ASMTL: variants seen among roughly 807,000 people sequenced by gnomAD.
ASMTL encodes the protein acetylserotonin O-methyltransferase like, also known as probable bifunctional dTTP/UTP pyrophosphatase/methyltransferase protein.
ASMTL carries 57 observed loss-of-function variants against 60.3 expected under a neutral mutation model. The ratio of observed to expected loss-of-function variants is 0.95; its 90% CI spans 0.76 to 1.18. The LOEUF (loss-of-function observed/expected upper bound fraction) is 1.18. Ranked by LOEUF, ASMTL falls within the 50% of genes most tolerant of loss-of-function variation. ASMTL has a pLI of 0.00. For missense variants in ASMTL, 981 were observed against 852.6 expected (o/e 1.15, Z -1.88); for synonymous variants, 419 against 373.0 (o/e 1.12, Z -1.42).
chrX:1,412,988 C>T (rs1308530786), intron 11 of ASMTL, 134 bp from the exon 12 acceptor site: 4 of 946,888 alleles, frequency 4.2e-6, no homozygotes, highest in African/African-American at 3.2e-5. Flanking sequence ...AATGGGTCTT[C>T]CTGAAGTACA....
chrX:1,441,721 A>T (rs1451421464), intron 2 of ASMTL: 1 of 156,056 alleles, frequency 6.4e-6, no homozygotes, highest in Non-Finnish European at 1.4e-5. Flanking sequence ...ATACTGTGAT[A>T]TCAATTGTGA....
chrX:1,446,572 T>A (rs113710187), intron 1 of ASMTL, among the ~76,000 whole-genome samples: 1,832 of 151,352 alleles, frequency 0.012, 33 homozygotes, highest in African/African-American at 0.042. Flanking sequence ...CCATCTCGGT[T>A]CACTGCAACC....
At chrX:1,404,867 C>A (rs2089749886) in intron 12 of ASMTL, among the ~76,000 whole-genome samples, 1 of 148,774 alleles carries the variant, frequency 6.7e-6, no homozygotes, top group Non-Finnish European at 1.5e-5. Flanking sequence ...TAGTTGGATG[C>A]ATGGATGAGA....
intron 11 of ASMTL, among the ~76,000 whole-genome samples, chrX:1,414,901 G>A (rs1404141908): frequency 6.6e-6 from 1 of 151,876 alleles, no homozygotes; most frequent in Non-Finnish European, 1.5e-5. Flanking sequence ...GGCCGCTGTC[G>A]GATGGTGCTG....
rs374227390 is a variant in ASMTL, at chrX:1,403,343, C to T, written c.1792G>A (p.Gly598Ser). 21 of 1,613,282 alleles carry T rather than the reference C, an allele frequency of 1.3e-5. No individual in the cohort carries two copies. Among genetic ancestry groups the T allele is most frequent in the Non-Finnish European group, 1.6e-5 (19 of 1,179,870 alleles). The change falls in exon 13 of 13, where the codon GGC (glycine) becomes AGC (serine). Residue 598 changes from glycine (G) to serine (S), a missense_variant. Gly to Ser is a moderately conservative substitution (Grantham distance 56). Transcript: ENST00000381317. ...TGCACCACCTGCACCTGGTGGAAGC[C>T]GTGCAGCTCCAGCAAGCACTGATAC... The part of the protein sequence containing the change: ...GEYQCLLELH[G>S]FHQVQVVHLG...
intron 9 of ASMTL, 63 bp from the exon 10 acceptor site, chrX:1,419,177 C>T (rs2090404882): frequency 8.8e-6 from 14 of 1,582,786 alleles, no homozygotes; most frequent in Admixed American, 3.6e-5. Flanking sequence ...CCCAGCCTCT[C>T]CCTGGGGGTC....
At position 1,412,833 on chromosome X, in the gene ASMTL, AG is replaced by A. The variant is rs755143738; in HGVS notation, c.1543del (p.Leu515SerfsTer56). ...FAAGDFFRDP[L>X]PSAELYVLCR... is the part of the protein sequence containing the mutation. ...CAGGACGTACAGCTCAGCGCTGGGG[AG>A]GGGGTCCCTGAAAAAGTCACCTGGT... On this transcript the variant is annotated frameshift_variant, in exon 12 of 13. Transcript: ENST00000381317. LOFTEE classifies it high-confidence loss of function. 2 of 1,613,792 alleles carry A rather than the reference AG, an allele frequency of 1.2e-6. No individual in the cohort carries two copies. The highest frequency in any genetic ancestry group is 1.1e-5 in the South Asian group (1 of 91,064).
chrX:1,413,489 C>A (rs1192433632), intron 11 of ASMTL, among the ~76,000 whole-genome samples: 1 of 152,190 alleles, frequency 6.6e-6, no homozygotes, highest in East Asian at 1.9e-4. Flanking sequence ...TCTGGTGATC[C>A]CCTGATTCAG....
chrX:1,415,053 G>C lies in ASMTL; in HGVS notation c.1523-2199C>G, dbSNP rs7472831. ...CCTCCCGGGTTCAAGCGATTCTCCT[G>C]CCTCAGCCTCCTGAATAGGTGGGAT... On this transcript the variant is annotated intron_variant, in intron 11 of 12. Transcript: ENST00000381317. 0.5 allele frequency among the ~76,000 whole-genome samples: 52,927 copies of C among 104,876 alleles called. 9,546 individuals carry two copies. The highest frequency in any genetic ancestry group is 0.57 in the East Asian group (1,879 of 3,278). 68.8% of individuals were successfully genotyped at this position (104,876 alleles called of 152,430 possible).
Position 1,403,270 on chromosome X carries a change from CAG to C in ASMTL, c.1863_1864del (p.Ter622LysfsTer26). On this transcript the variant is annotated frameshift_variant and stop_lost, in exon 13 of 13. Coordinates refer to ENST00000381317, the MANE Select transcript of ASMTL (RefSeq NM_004192.4). LOFTEE classifies it high-confidence loss of function. The stretch of plus-strand genomic sequence containing the variant: ...TATAATGAACATGCTGCCTGGGCTT[CAG>C]GGGGCCACTTTGGTGGCCAAGATGG... 6.2e-7 allele frequency: 1 copy of C among 1,612,420 alleles called. No individual in the cohort carries two copies.
intron 3 of ASMTL, among the ~76,000 whole-genome samples, chrX:1,437,983 T>C (rs1350101461): frequency 1.3e-5 from 2 of 149,342 alleles, no homozygotes; most frequent in Non-Finnish European, 3.0e-5. Context: ...ATGAGTGGTG[T>C]TGTTAAAAGA....
intron 5 of ASMTL, among the ~76,000 whole-genome samples, chrX:1,433,168 C>G (rs1389613689): frequency 1.3e-5 from 2 of 151,990 alleles, no homozygotes; most frequent in Non-Finnish European, 2.9e-5. Flanking sequence ...GCCCCTGAAT[C>G]CCGGGGAATC....
At chrX:1,436,422 G>A (rs1271582944) in intron 3 of ASMTL, among the ~76,000 whole-genome samples, 47 of 152,014 alleles carry the variant, frequency 3.1e-4, no homozygotes, top group East Asian at 5.8e-4. Context: ...GCGCGATCTC[G>A]GCTCACTGCA....
At chrX:1,440,299 C>T (rs2091079643) in intron 2 of ASMTL, among the ~76,000 whole-genome samples, 1 of 151,932 alleles carries the variant, frequency 6.6e-6, no homozygotes, top group South Asian at 2.1e-4. Flanking sequence ...ACCGTGTGAG[C>T]CAGGATGGTC....
chrX:1,403,637 G>T (rs745703455), intron 12 of ASMTL, 148 bp from the exon 13 acceptor site: 85 of 664,146 alleles, frequency 1.3e-4, no homozygotes, highest in African/African-American at 1.3e-3. Flanking sequence ...ACAGGTAGGG[G>T]AGGGGAGAGA....
At chrX:1,413,026 A>T in intron 11 of ASMTL, 172 bp from the exon 12 acceptor site, 1 of 704,274 alleles carries the variant, frequency 1.4e-6, no homozygotes, top group Non-Finnish European at 2.5e-6. Flanking sequence ...ACAGAGCTCC[A>T]TGAGGAGCTG....
At position 1,443,328 on chromosome X, in the gene ASMTL, C is replaced by G. The variant is rs370566723; in HGVS notation, c.94-1011G>C. Reference sequence around the variant, plus strand: ...TGGACACACACCGCCATCTTGGACACACACCGCCATCTTGGACAGACACCG... The same window carrying G: ...TGGACACACACCGCCATCTTGGACAGACACCGCCATCTTGGACAGACACCG... On this transcript the variant is annotated intron_variant, in intron 1 of 12. Transcript: ENST00000381317. Among the ~76,000 whole-genome samples the G allele has an allele frequency of 2.9e-3, 128 of 43,666 alleles. 6 individuals are homozygous for G. Among genetic ancestry groups the G allele is most frequent in the African/African-American group, 5.2e-3 (113 of 21,772 alleles). 28.6% of individuals were successfully genotyped at this position (43,666 alleles called of 152,430 possible).
chrX:1,430,597 C>T (rs1253354336), intron 6 of ASMTL, among the ~76,000 whole-genome samples: 1 of 151,504 alleles, frequency 6.6e-6, no homozygotes, highest in Non-Finnish European at 1.5e-5. Context: ...ATAGTGAGAC[C>T]CCATTGCTAC....
chrX:1,436,818 T>C (rs1390330366), intron 3 of ASMTL, among the ~76,000 whole-genome samples: 2 of 152,240 alleles, frequency 1.3e-5, no homozygotes, highest in African/African-American at 4.8e-5. Flanking sequence ...GGAACACCTG[T>C]TTTGAATCCT....
Sources: allele counts gnomAD v4.1 joint callset (sites outside exome capture counted in the v4.1 genomes callset), GRCh38; gene constraint gnomAD v4.1.1; transcripts MANE v1.5; gene names NCBI Gene and HGNC (gene_info 2026-07-23, HGNC 2026-07-21).